The following TTBK2 variants were observed in gnomAD, a reference collection of about 807,000 sequenced individuals.
TTBK2 encodes the protein tau tubulin kinase 2.
In TTBK2, 28 loss-of-function variants were observed where a neutral mutation model predicts 110.8. The ratio of observed to expected loss-of-function variants is 0.25; its 90% CI spans 0.19 to 0.35. The LOEUF (loss-of-function observed/expected upper bound fraction) is 0.35, where lower values mean the gene tolerates loss of function less well. TTBK2 is among the 10% of genes least tolerant of loss of function. The probability of loss-of-function intolerance (pLI) is 1.00; values close to 1 mark genes in which losing one functional copy is unlikely to be tolerated. For missense variants in TTBK2, 1,369 were observed against 1,500.3 expected, an observed-to-expected ratio of 0.91 and a Z score of 1.45; for synonymous variants, 532 against 527.3, an observed-to-expected ratio of 1.01 and a Z score of -0.12.
chr15:42,761,520 C>A (rs1209621063), intron 13 of TTBK2, among the ~76,000 whole-genome samples: 1 of 146,058 alleles, frequency 6.8e-6, no homozygotes, highest in African/African-American at 2.5e-5. Context: ...AAAATATCTA[C>A]AAACTATTCA....
At chr15:42,841,592 G>C (rs116334558) in intron 3 of TTBK2, among the ~76,000 whole-genome samples, 4 of 152,102 alleles carry the variant, frequency 2.6e-5, no homozygotes, top group Non-Finnish European at 5.9e-5. Flanking sequence ...GAGAAGTATC[G>C]AAAAGATTTT....
At chr15:42,855,892 C>A (rs909794360) in intron 3 of TTBK2, among the ~76,000 whole-genome samples, 10 of 152,250 alleles carry the variant, frequency 6.6e-5, no homozygotes, top group African/African-American at 1.9e-4. Context: ...CCGTGTTAGC[C>A]AGGATGGTCT....
chr15:42,809,071 T>C lies in TTBK2; in HGVS notation c.822+1543A>G, dbSNP rs1050823774. On this transcript the variant is annotated intron_variant, in intron 9 of 14. Transcript: ENST00000267890. The stretch of plus-strand genomic sequence containing the variant: ...AGGCTTTTGAAACCTGATGTCACAT[T>C]GATACTAGTCATTAGAACACACCCA... Among the ~76,000 whole-genome samples, 6 of 152,342 alleles carry C rather than the reference T, an allele frequency of 3.9e-5. No homozygotes were observed. The East Asian group carries it at 9.6e-4, about 24-fold the overall frequency.
intron 1 of TTBK2, among the ~76,000 whole-genome samples, chr15:42,887,475 A>C (rs1895288702): frequency 6.6e-6 from 1 of 152,152 alleles, no homozygotes; most frequent in Non-Finnish European, 1.5e-5. Context: ...CCCATCCCAC[A>C]GCACACTTTA....
chr15:42,887,030 G>A (rs1035730680), intron 1 of TTBK2, among the ~76,000 whole-genome samples: 28 of 152,240 alleles, frequency 1.8e-4, no homozygotes, highest in South Asian at 6.2e-4. Context: ...GGGTAAGTCC[G>A]TCCCCTTCTT....
chr15:42,753,763 C>CGTAG (rs766688710), intron 13 of TTBK2, among the ~76,000 whole-genome samples: 5 of 152,180 alleles, frequency 3.3e-5, no homozygotes, highest in Non-Finnish European at 7.3e-5. Context: ...CACTTCTACT[C>CGTAG]CCCTTTCAGG....
intron 3 of TTBK2, among the ~76,000 whole-genome samples, chr15:42,862,837 G>A (rs1252678203): frequency 3.9e-5 from 6 of 152,102 alleles, no homozygotes; most frequent in African/African-American, 1.2e-4. Flanking sequence ...GCAGTAATCC[G>A]AGATCGCACC....
rs2061780922 is a variant in TTBK2 at position 42,745,653 on chromosome 15, C to T, written c.*142G>A. On this transcript the variant is annotated 3_prime_UTR_variant, in exon 15 of 15. Coordinates refer to ENST00000267890, the MANE Select transcript of TTBK2 (RefSeq NM_173500.4). ...GGTAATTCCTTATCATGTATTATGT[C>T]TTCTTATAAATAATTGATCATGTTA... 2.0e-6 allele frequency: 2 copies of T among 1,025,142 alleles called. No homozygotes were observed. The highest frequency in any genetic ancestry group is 3.9e-5 in the Admixed American group (2 of 51,380). 63.5% of individuals were successfully genotyped at this position (1,025,142 alleles called of 1,614,324 possible). A position where few individuals can be genotyped will look rare whatever the true frequency, so the allele number is the denominator to read the frequency against.
intron 1 of TTBK2, among the ~76,000 whole-genome samples, chr15:42,911,656 G>A (rs1255054130): frequency 6.6e-6 from 1 of 152,084 alleles, no homozygotes; most frequent in Non-Finnish European, 1.5e-5. Context: ...GAACAAACAA[G>A]ACCAAAACAA....
intron 1 of TTBK2, among the ~76,000 whole-genome samples, chr15:42,910,717 A>C (rs2030700721): frequency 6.6e-6 from 1 of 152,226 alleles, no homozygotes; most frequent in Non-Finnish European, 1.5e-5. Flanking sequence ...TAATACAAAA[A>C]CAGAAATTAA....
chr15:42,783,641 T>A lies in TTBK2; in HGVS notation c.981-6A>T, dbSNP rs1411777594. The A allele has an allele frequency of 2.1e-5, 33 of 1,607,764 alleles. No individual in the cohort carries two copies. The highest frequency in any genetic ancestry group is 2.8e-5 in the Non-Finnish European group (33 of 1,175,268). ...TGGGAGTAGCATTGGCAATTCTACA[T>A]ATGAAGGGAGAAAAAAAAGGCAAGA... On this transcript the variant is annotated splice_region_variant and splice_polypyrimidine_tract_variant and intron_variant, in intron 10 of 14. Coordinates refer to ENST00000267890, the MANE Select transcript of TTBK2 (RefSeq NM_173500.4).
chr15:42,827,578 G>A (rs764431898), intron 6 of TTBK2, among the ~76,000 whole-genome samples: 3 of 152,158 alleles, frequency 2.0e-5, no homozygotes, highest in Non-Finnish European at 4.4e-5. Flanking sequence ...GCACCAAATA[G>A]AGAATATCAG....
At position 42,763,084 on chromosome 15, in the gene TTBK2, T is replaced by TATATATATATA. The variant is rs1567008356; in HGVS notation, c.1999-9838_1999-9837insTATATATATAT. ...TATAGGATGATTACAGTTAACAATT[T>TATATATATATA]TATATATATATATATATACGTATAT... On this transcript the variant is annotated intron_variant, in intron 13 of 14. Coordinates refer to ENST00000267890, the MANE Select transcript of TTBK2 (RefSeq NM_173500.4). 6.6e-4 allele frequency among the ~76,000 whole-genome samples: 72 copies of TATATATATATA among 108,790 alleles called. 3 individuals are homozygous for TATATATATATA. The highest frequency in any genetic ancestry group is 2.9e-3 in the African/African-American group (66 of 22,594). 71.4% of individuals were successfully genotyped at this position (108,790 alleles called of 152,430 possible).
At chr15:42,763,931 G>T (rs1050853685) in intron 13 of TTBK2, among the ~76,000 whole-genome samples, 1 of 152,048 alleles carries the variant, frequency 6.6e-6, no homozygotes, top group Admixed American at 6.5e-5. Context: ...TCTTTAAAGG[G>T]GTTTCCAATT....
At chr15:42,872,138 C>A (rs1461063249) in intron 3 of TTBK2, among the ~76,000 whole-genome samples, 2 of 152,140 alleles carry the variant, frequency 1.3e-5, no homozygotes, top group African/African-American at 4.8e-5. Flanking sequence ...CAGTTATTCT[C>A]TGAAACTGAA....
At position 42,742,780 on chromosome 15, in the gene TTBK2, C is replaced by T. The variant is rs959613319; in HGVS notation, c.*3015G>A. 6 of 152,142 alleles carry T rather than the reference C, an allele frequency of 3.9e-5. No individual in the cohort carries two copies. Among genetic ancestry groups the T allele is most frequent in the Non-Finnish European group, 8.8e-5 (6 of 68,014 alleles). The allele number at this position is 152,142 out of a possible 1,614,324, so 9.4% of individuals were successfully genotyped here. A position where few individuals can be genotyped will look rare whatever the true frequency, so the allele number is the denominator to read the frequency against. On this transcript the variant is annotated 3_prime_UTR_variant, in exon 15 of 15. Transcript: ENST00000267890. Reference sequence around the variant, plus strand: ...TTGGCTTGACCTTAATAGCCATGTCCCTCATCTTAGATAGAATAACCAAAT... The same window carrying T: ...TTGGCTTGACCTTAATAGCCATGTCTCTCATCTTAGATAGAATAACCAAAT...
At chr15:42,765,955 G>A (rs1365120966) in intron 13 of TTBK2, among the ~76,000 whole-genome samples, 1 of 152,020 alleles carries the variant, frequency 6.6e-6, no homozygotes, top group Non-Finnish European at 1.5e-5. Context: ...AGAGAGTGGG[G>A]GCCAATATTC....
intron 9 of TTBK2, among the ~76,000 whole-genome samples, chr15:42,804,345 G>A (rs2140906467): frequency 6.6e-6 from 1 of 151,952 alleles, no homozygotes; most frequent in South Asian, 2.1e-4. Flanking sequence ...TTGGGAGGCT[G>A]AGGCAGAATT....
chr15:42,905,911 G>A (rs778095474), intron 1 of TTBK2, among the ~76,000 whole-genome samples: 4 of 152,102 alleles, frequency 2.6e-5, no homozygotes, highest in Admixed American at 6.6e-5. Flanking sequence ...AAAACTGGCC[G>A]GGCATGGTGG....
Sources: gnomAD v4.1 joint callset for allele counts (sites outside exome capture counted in the v4.1 genomes callset) on GRCh38, gnomAD v4.1.1 for gene constraint, MANE v1.5 for transcripts, NCBI Gene and HGNC (gene_info 2026-07-23, HGNC 2026-07-21) for gene names.